The following BABAM2 variants were observed in gnomAD, a reference collection of about 807,000 sequenced individuals.
BABAM2 encodes the protein BRISC and BRCA1-A complex member 2.
Under a neutral mutation model 54.7 loss-of-function variants are expected in BABAM2, and 31 were observed. The ratio of observed to expected loss-of-function variants is 0.57; its 90% CI spans 0.43 to 0.77. BABAM2 has a LOEUF of 0.77. BABAM2 is among the 30% of genes least tolerant of loss of function. BABAM2 has a pLI of 0.00. For missense variants in BABAM2, 364 were observed against 455.8 expected, an observed-to-expected ratio of 0.80 and a Z score of 1.83; for synonymous variants, 167 against 162.9, an observed-to-expected ratio of 1.03 and a Z score of -0.19.
At chr2:28,198,024 G>A (rs1463340331) in intron 7 of BABAM2, among the ~76,000 whole-genome samples, 4 of 152,112 alleles carry the variant, frequency 2.6e-5, no homozygotes, top group Admixed American at 2.0e-4. Flanking sequence ...CCCCCAAATT[G>A]CAATAGCCTC....
intron 6 of BABAM2, among the ~76,000 whole-genome samples, chr2:28,059,275 C>T (rs979163583): frequency 3.9e-5 from 6 of 152,060 alleles, no homozygotes; most frequent in African/African-American, 1.4e-4. Context: ...AATAATGTCA[C>T]AAAGGGATCT....
At chr2:28,272,046 G>A (rs2148165145) in intron 10 of BABAM2, among the ~76,000 whole-genome samples, 1 of 152,288 alleles carries the variant, frequency 6.6e-6, no homozygotes, top group East Asian at 1.9e-4. Context: ...GGCTGGTAGA[G>A]AATTGGGAGA....
At chr2:28,129,460 A>T in intron 7 of BABAM2, 80 bp downstream of exon 7, 3 of 1,209,692 alleles carry the variant, frequency 2.5e-6, no homozygotes, top group Non-Finnish European at 2.4e-6. Context: ...GCCACTCTTG[A>T]ACTCTTACAT....
At chr2:28,199,179 T>C (rs1677977610) in intron 7 of BABAM2, among the ~76,000 whole-genome samples, 1 of 152,248 alleles carries the variant, frequency 6.6e-6, no homozygotes, top group Non-Finnish European at 1.5e-5. Context: ...ATTTTAGAAG[T>C]GCTGTGCCAG....
chr2:28,238,101 C>T (rs1682083204), intron 8 of BABAM2, among the ~76,000 whole-genome samples: 1 of 152,152 alleles, frequency 6.6e-6, no homozygotes, highest in African/African-American at 2.4e-5. Flanking sequence ...CTGCCTACCT[C>T]AGCCTCCCAA....
chr2:28,333,429 G>C (rs147695252), intron 11 of BABAM2, among the ~76,000 whole-genome samples: 1 of 152,222 alleles, frequency 6.6e-6, no homozygotes, highest in East Asian at 1.9e-4. Flanking sequence ...GATTTACCCT[G>C]GGCCCAAGGC....
At chr2:27,912,156 T>C (rs1282976355) in intron 2 of BABAM2, among the ~76,000 whole-genome samples, 2 of 152,186 alleles carry the variant, frequency 1.3e-5, no homozygotes, top group Non-Finnish European at 2.9e-5. Context: ...TACAATTTCA[T>C]TGTTGGAACT....
chr2:27,959,339 A>T (rs1210961485), intron 3 of BABAM2, among the ~76,000 whole-genome samples: 2 of 152,206 alleles, frequency 1.3e-5, no homozygotes, highest in African/African-American at 4.8e-5. Flanking sequence ...CTTTTAATTA[A>T]TGTTTCATGA....
At chr2:28,268,816 C>A (rs1017559962) in intron 10 of BABAM2, among the ~76,000 whole-genome samples, 6 of 152,172 alleles carry the variant, frequency 3.9e-5, no homozygotes, top group African/African-American at 1.4e-4. Flanking sequence ...AAGTTCGTTA[C>A]ACTCATCCAT....
chr2:28,125,220 G>T (rs58215814), intron 6 of BABAM2, among the ~76,000 whole-genome samples: 1,667 of 152,182 alleles, frequency 0.011, 30 homozygotes, highest in African/African-American at 0.038. Context: ...GGGGAAGCAG[G>T]CTTATACAAA....
chr2:28,225,670 A>C, intron 7 of BABAM2, among the ~76,000 whole-genome samples: 1 of 151,784 alleles, frequency 6.6e-6, no homozygotes, highest in East Asian at 1.9e-4. Flanking sequence ...AATATGCCTC[A>C]AGCTTCGTTC....
chr2:28,142,306 A>G (rs1001470841), intron 7 of BABAM2, among the ~76,000 whole-genome samples: 9 of 152,172 alleles, frequency 5.9e-5, no homozygotes, highest in Non-Finnish European at 1.3e-4. Context: ...GGTTAACATA[A>G]TATTGCAAAT....
chr2:27,997,116 ATAT>A (rs1673213370), intron 4 of BABAM2, among the ~76,000 whole-genome samples: 1 of 152,208 alleles, frequency 6.6e-6, no homozygotes, highest in Non-Finnish European at 1.5e-5. Context: ...AAAATGTTTG[ATAT>A]TAATAAAATG....
intron 10 of BABAM2, among the ~76,000 whole-genome samples, chr2:28,245,104 A>T (rs2148078722): frequency 6.6e-6 from 1 of 152,096 alleles, no homozygotes; most frequent in Non-Finnish European, 1.5e-5. Context: ...GATTGTTATG[A>T]CTGAGGGGGT....
chr2:28,304,989 A>C lies in BABAM2; in HGVS notation c.1088+6498A>C, dbSNP rs1688403026. 6.6e-6 allele frequency among the ~76,000 whole-genome samples: 1 copy of C among 152,192 alleles called. No individual in the cohort carries two copies. Among genetic ancestry groups the C allele is most frequent in the Non-Finnish European group, 1.5e-5 (1 of 68,030 alleles). ...CAGCACGCCCAGCCTGCAATTTCTT[A>C]CATAAACAGTCACGCCTTATGCTAA... On this transcript the variant is annotated intron_variant, in intron 11 of 11. Coordinates refer to ENST00000379624, the MANE Select transcript of BABAM2 (RefSeq NM_199191.3). This position sits in a 1 kb window ranked among gnomAD's most constrained non-coding sequence, Gnocchi z 4.0.
chr2:28,188,368 G>A (rs1676545457), intron 7 of BABAM2, among the ~76,000 whole-genome samples: 1 of 152,178 alleles, frequency 6.6e-6, no homozygotes, highest in African/African-American at 2.4e-5. Context: ...GGGAAGGTTT[G>A]GGAGGGAACC....
chr2:28,181,277 A>G (rs1346049507), intron 7 of BABAM2, among the ~76,000 whole-genome samples: 2 of 152,206 alleles, frequency 1.3e-5, no homozygotes, highest in East Asian at 3.9e-4. Context: ...GTATTTATAC[A>G]CAATAGAATA....
chr2:27,894,936 A>G (rs1378804663), intron 2 of BABAM2: 3 of 439,810 alleles, frequency 6.8e-6, no homozygotes, highest in African/African-American at 6.1e-5. Flanking sequence ...TTCTTTGTGA[A>G]GAGCATGCCG....
intron 3 of BABAM2, among the ~76,000 whole-genome samples, chr2:27,982,877 A>ACG (rs1672124293): frequency 6.6e-6 from 1 of 151,782 alleles, no homozygotes; most frequent in Non-Finnish European, 1.5e-5. Context: ...ACACACACAC[A>ACG]CACACATATA....
Sources: gnomAD v4.1 joint callset for allele counts (sites outside exome capture counted in the v4.1 genomes callset) on GRCh38, gnomAD v4.1.1 for gene constraint, Gnocchi (gnomAD v3.1) non-coding constraint, MANE v1.5 for transcripts, NCBI Gene and HGNC (gene_info 2026-07-23, HGNC 2026-07-21) for gene names.